The following GREB1L variants were observed in gnomAD, a reference collection of about 807,000 sequenced individuals.
The protein encoded by GREB1L is GREB1 like retinoic acid receptor coactivator.
GREB1L carries 17 observed loss-of-function variants against 200.8 expected under a neutral mutation model. The ratio of observed to expected loss-of-function variants is 0.08; its 90% CI spans 0.06 to 0.13. The LOEUF (loss-of-function observed/expected upper bound fraction) is 0.13, where lower values mean the gene tolerates loss of function less well. GREB1L is among the 10% of genes least tolerant of loss of function. The pLI is 1.00. For synonymous variants in GREB1L, 789 were observed against 893.0 expected, an observed-to-expected ratio of 0.88 and a Z score of 2.08; for missense variants, 1,657 against 2,367.7, an observed-to-expected ratio of 0.70 and a Z score of 6.23.
intron 7 of GREB1L, among the ~76,000 whole-genome samples, chr18:21,419,126 A>C (rs917675818): frequency 5.3e-5 from 8 of 152,204 alleles, no homozygotes; most frequent in Non-Finnish European, 1.2e-4. Flanking sequence ...GCTTTGGGGC[A>C]GTAGGCCATA....
intron 15 of GREB1L, among the ~76,000 whole-genome samples, chr18:21,461,204 T>G (rs1274853606): frequency 1.3e-5 from 2 of 152,042 alleles, no homozygotes. Context: ...GTGGAGGAGC[T>G]GGCCCTGCTC....
chr18:21,472,929 G>T, intron 15 of GREB1L, 102 bp from the exon 16 acceptor site: 1 of 720,562 alleles, frequency 1.4e-6, no homozygotes, highest in Non-Finnish European at 2.2e-6. Context: ...TCTTCATACA[G>T]TTGGTACCCA....
In GREB1L at chr18:21,515,610, G is replaced by T; in HGVS notation, c.5095G>T (p.Asp1699Tyr). The T allele has an allele frequency of 6.4e-7, 1 of 1,551,656 alleles. No individual in the cohort carries two copies. The highest frequency in any genetic ancestry group is 8.7e-7 in the Non-Finnish European group (1 of 1,146,952). ...HVHDFILLNT[D>Y]LTQNVQYDFN... Reference sequence around the variant, plus strand: ...GCATGATTTCATTCTCCTCAACACAGACTTGACTCAGAATGTGCAGTATGA... The same window carrying T: ...GCATGATTTCATTCTCCTCAACACATACTTGACTCAGAATGTGCAGTATGA... The change falls in exon 29 of 33, where the codon GAC becomes TAC. Residue 1699 changes from aspartate to tyrosine, a missense_variant. Coordinates refer to ENST00000424526, the MANE Select transcript of GREB1L (RefSeq NM_001142966.3).
intron 7 of GREB1L, among the ~76,000 whole-genome samples, chr18:21,425,378 G>A (rs1304342303): frequency 2.0e-5 from 3 of 152,148 alleles, no homozygotes; most frequent in African/African-American, 7.2e-5. Flanking sequence ...CAGGTTTTTG[G>A]CTGGATGCGT....
intron 1 of GREB1L, among the ~76,000 whole-genome samples, chr18:21,284,680 T>C (rs1287629041): frequency 1.3e-5 from 2 of 152,222 alleles, no homozygotes; most frequent in Admixed American, 6.5e-5. Context: ...TCATTTCTCT[T>C]GGACACGTAC....
chr18:21,343,446 A>C (rs778348387), intron 1 of GREB1L, among the ~76,000 whole-genome samples: 15 of 152,190 alleles, frequency 9.9e-5, no homozygotes, highest in Non-Finnish European at 1.6e-4. Context: ...ATTGTGCTTC[A>C]CAAGACAGTG....
intron 1 of GREB1L, among the ~76,000 whole-genome samples, chr18:21,352,734 T>C (rs1456223581): frequency 1.3e-5 from 2 of 151,870 alleles, no homozygotes; most frequent in African/African-American, 4.8e-5. Flanking sequence ...GCACCCGGCT[T>C]TTATATTTTT....
intron 32 of GREB1L, among the ~76,000 whole-genome samples, chr18:21,522,145 G>A (rs1266812030): frequency 2.0e-5 from 3 of 151,952 alleles, no homozygotes; most frequent in Non-Finnish European, 4.4e-5. Flanking sequence ...GAGGGAATGT[G>A]GTTGGAAGAT....
At chr18:21,273,856 C>G (rs1425664072) in intron 1 of GREB1L, among the ~76,000 whole-genome samples, 1 of 151,738 alleles carries the variant, frequency 6.6e-6, no homozygotes, top group Non-Finnish European at 1.5e-5. Flanking sequence ...GGCCTCCAGA[C>G]CATGGTAAGG....
chr18:21,450,601 G>A (rs145939221), intron 12 of GREB1L: 144 of 154,200 alleles, frequency 9.3e-4, no homozygotes, highest in African/African-American at 3.3e-3. Context: ...AACCATGCAA[G>A]CACAATTTTT....
chr18:21,372,101 G>T, intron 2 of GREB1L, among the ~76,000 whole-genome samples: 1 of 150,968 alleles, frequency 6.6e-6, no homozygotes, highest in East Asian at 1.9e-4. Flanking sequence ...AGTGACATCT[G>T]TAAAGAAAAA....
chr18:21,405,772 G>T (rs1598772473), intron 7 of GREB1L, among the ~76,000 whole-genome samples: 1 of 152,218 alleles, frequency 6.6e-6, no homozygotes, highest in East Asian at 1.9e-4. Context: ...CTGCACTCCA[G>T]CCTGGATGAT....
At chr18:21,347,638 G>A (rs1442533427) in intron 1 of GREB1L, among the ~76,000 whole-genome samples, 1 of 150,758 alleles carries the variant, frequency 6.6e-6, no homozygotes, top group Non-Finnish European at 1.5e-5. Flanking sequence ...TGTATTTTTA[G>A]TAGAGACGGG....
Position 21,499,907 on chromosome 18 carries a change from C to A in GREB1L, c.3570C>A (p.Gly1190=). The A allele has an allele frequency of 6.5e-7, 1 of 1,547,746 alleles. No individual in the cohort carries two copies. Among genetic ancestry groups the A allele is most frequent in the Non-Finnish European group, 8.7e-7 (1 of 1,144,582 alleles). Residue 1190 remains glycine, a synonymous_variant, in exon 22 of 33, where the codon GGC becomes GGA. Coordinates refer to ENST00000424526, the MANE Select transcript of GREB1L (RefSeq NM_001142966.3). ...TGAAGCAGGAATGTGACTCCCTGGG[C>A]CCCCAGATGGCGAGCAGCACCACCT... The part of the protein sequence containing the change: ...ETLKQECDSL[G]PQMASSTTSK...
At chr18:21,368,874 C>G (rs1170693916) in intron 2 of GREB1L, among the ~76,000 whole-genome samples, 3 of 151,900 alleles carry the variant, frequency 2.0e-5, no homozygotes, top group African/African-American at 7.3e-5. Context: ...AAAAACAAAA[C>G]AAAGCCAAAA....
chr18:21,328,576 C>T (rs1334945780), intron 1 of GREB1L, among the ~76,000 whole-genome samples: 1 of 152,182 alleles, frequency 6.6e-6, no homozygotes, highest in Non-Finnish European at 1.5e-5. Context: ...TCTATTCTCT[C>T]ACTTGCTCAG....
At chr18:21,350,135 C>A (rs1427036670) in intron 1 of GREB1L, among the ~76,000 whole-genome samples, 1 of 152,022 alleles carries the variant, frequency 6.6e-6, no homozygotes, top group Admixed American at 6.6e-5. Flanking sequence ...TTAGGGACTG[C>A]CTTTATCATC....
chr18:21,253,828 CTTTT>C (rs34861643), intron 1 of GREB1L, among the ~76,000 whole-genome samples: 6 of 115,846 alleles, frequency 5.2e-5, no homozygotes, highest in African/African-American at 1.4e-4. Context: ...GACTTCCAGG[CTTTT>C]TTTTTTTTTT....
intron 1 of GREB1L, among the ~76,000 whole-genome samples, chr18:21,350,243 T>C (rs2039413456): frequency 6.6e-6 from 1 of 150,528 alleles, no homozygotes; most frequent in Non-Finnish European, 1.5e-5. Context: ...TCTTTCTTTT[T>C]TTTTTTTTTT....
Sources: gnomAD v4.1 joint callset for allele counts (sites outside exome capture counted in the v4.1 genomes callset) on GRCh38, gnomAD v4.1.1 for gene constraint, MANE v1.5 for transcripts, NCBI Gene and HGNC (gene_info 2026-07-23, HGNC 2026-07-21) for gene names.